SGK1: variants seen among roughly 807,000 people sequenced by gnomAD.
SGK1 encodes the protein serum/glucocorticoid regulated kinase 1.
SGK1 carries 26 observed loss-of-function variants against 64.2 expected under a neutral mutation model. The observed-to-expected ratio is 0.40, with a 90% CI of 0.30 to 0.56. SGK1 has a LOEUF of 0.56. SGK1 is among the 20% of genes least tolerant of loss of function. The pLI is 0.38. For missense variants in SGK1, 519 were observed against 645.6 expected, an observed-to-expected ratio of 0.80 and a Z score of 2.12; for synonymous variants, 265 against 239.7, an observed-to-expected ratio of 1.11 and a Z score of -0.98.
rs1280037696 is a variant in SGK1, at chr6:134,273,102, A to G, written c.70-10954T>C. Among the ~76,000 whole-genome samples, 2 of 148,052 alleles carry G rather than the reference A, an allele frequency of 1.4e-5. 1 individual carries two copies. Among genetic ancestry groups the G allele is most frequent in the East Asian group, 4.8e-4 (2 of 4,146 alleles). ...CCCTTGTAAAATGGAGATAATAATT[A>G]TGCCTACTTTACAAGGGTTTTGTGA... is the stretch of plus-strand genomic sequence containing the variant. On this transcript the variant is annotated intron_variant, in intron 1 of 13. Transcript: ENST00000367858.
At chr6:134,263,156 T>C (rs954315131) in intron 1 of SGK1, among the ~76,000 whole-genome samples, 2 of 152,236 alleles carry the variant, frequency 1.3e-5, no homozygotes, top group African/African-American at 4.8e-5. Context: ...ATTTCTAAGG[T>C]GAATTACTAG....
At chr6:134,239,453 A>G (rs532281009) in intron 2 of SGK1, among the ~76,000 whole-genome samples, 5 of 152,310 alleles carry the variant, frequency 3.3e-5, no homozygotes, top group Admixed American at 3.3e-4. Context: ...CCTCTGTCTA[A>G]CCTTTCAGCA....
At chr6:134,171,977 C>T (rs543912434) in intron 10 of SGK1, 2 of 677,514 alleles carry the variant, frequency 3.0e-6, no homozygotes, top group East Asian at 2.6e-5. Context: ...TTTTATGATG[C>T]AGATCTTACT....
intron 1 of SGK1, chr6:134,283,335 A>G (rs1296501084): frequency 6.6e-6 from 1 of 151,742 alleles, no homozygotes; most frequent in African/African-American, 2.4e-5. Flanking sequence ...TACTAAAAAT[A>G]CAAAAATTAG....
At chr6:134,293,022 CTG>C (rs1777290177) in intron 1 of SGK1, among the ~76,000 whole-genome samples, 2 of 152,230 alleles carry the variant, frequency 1.3e-5, no homozygotes, top group African/African-American at 4.8e-5. Flanking sequence ...TGTTTCCAGA[CTG>C]TGCTTTCAGA....
At chr6:134,223,132 G>T (rs554572859) in intron 2 of SGK1, among the ~76,000 whole-genome samples, 104 of 152,290 alleles carry the variant, frequency 6.8e-4, no homozygotes, top group Non-Finnish European at 1.2e-3. Context: ...ACTTTGGGAG[G>T]CTGAGGTGGG....
intron 1 of SGK1, chr6:134,297,821 C>T (rs1375274273): frequency 4.4e-6 from 3 of 680,018 alleles, no homozygotes; most frequent in African/African-American, 3.5e-5. Context: ...TCTTTGTATG[C>T]TGCAGGTCAT....
intron 3 of SGK1, among the ~76,000 whole-genome samples, chr6:134,196,181 C>T (rs996483882): frequency 1.3e-5 from 2 of 152,138 alleles, no homozygotes; most frequent in Admixed American, 6.5e-5. Context: ...CAGCCAGGCA[C>T]GTGACTGTAA....
At chr6:134,299,151 T>C (rs900464437) in intron 1 of SGK1, among the ~76,000 whole-genome samples, 5 of 148,364 alleles carry the variant, frequency 3.4e-5, no homozygotes, top group African/African-American at 1.2e-4. Context: ...CAATTCACAG[T>C]AGCTGGCAGC....
intron 1 of SGK1, among the ~76,000 whole-genome samples, chr6:134,270,759 A>G (rs990971975): frequency 6.8e-6 from 1 of 147,964 alleles, no homozygotes; most frequent in Non-Finnish European, 1.5e-5. Context: ...ACGGAGACGC[A>G]ATGCGTCCAT....
chr6:134,265,165 T>C (rs111564292), intron 1 of SGK1, among the ~76,000 whole-genome samples: 225 of 152,138 alleles, frequency 1.5e-3, no homozygotes, highest in African/African-American at 4.9e-3. Flanking sequence ...TAAAAACATA[T>C]GTACTAACTA....
rs1441711998 is a variant in SGK1, at chr6:134,187,993, CAGGTTGG to C, written c.362-13414_362-13408del. Among the ~76,000 whole-genome samples, 14 of 152,310 alleles carry C rather than the reference CAGGTTGG, an allele frequency of 9.2e-5. 1 individual carries two copies. Among genetic ancestry groups the C allele is most frequent in the African/African-American group, 3.4e-4 (14 of 41,548 alleles). ...TTGGGCACTCAGCAGTGGCTGTAGC[CAGGTTGG>C]CCTTAGTGAGTGGACGTCCATGTTG... On this transcript the variant is annotated intron_variant, in intron 3 of 13. Coordinates refer to ENST00000367858, the MANE Select transcript of SGK1 (RefSeq NM_001143676.3).
intron 3 of SGK1, among the ~76,000 whole-genome samples, chr6:134,201,670 C>T (rs1004534353): frequency 6.6e-6 from 1 of 152,108 alleles, no homozygotes; most frequent in Non-Finnish European, 1.5e-5. Flanking sequence ...CCTATTATTT[C>T]TTGTATTATT....
chr6:134,173,618 C>A (rs768273307), intron 5 of SGK1, 52 bp from the exon 6 acceptor site: 1 of 1,207,010 alleles, frequency 8.3e-7, no homozygotes, highest in Non-Finnish European at 1.2e-6. Flanking sequence ...CAAAGGAAGA[C>A]ATCTATAACA....
chr6:134,278,421 A>C (rs1351735452), intron 1 of SGK1, among the ~76,000 whole-genome samples: 2 of 152,218 alleles, frequency 1.3e-5, no homozygotes, highest in Non-Finnish European at 2.9e-5. Context: ...TGAAAGTGGT[A>C]AATGAAAGGT....
chr6:134,173,859 A>C, intron 5 of SGK1, 146 bp downstream of exon 5: 1 of 656,350 alleles, frequency 1.5e-6, no homozygotes, highest in South Asian at 2.0e-5. Context: ...TCAATACTTA[A>C]ATATTTATAT....
At chr6:134,294,424 G>A (rs1289131764) in intron 1 of SGK1, among the ~76,000 whole-genome samples, 2 of 152,010 alleles carry the variant, frequency 1.3e-5, no homozygotes, top group African/African-American at 4.8e-5. Flanking sequence ...TCCCTGGCAA[G>A]GACCATTCTA....
chr6:134,297,734 C>A, intron 1 of SGK1: 1 of 466,010 alleles, frequency 2.1e-6, no homozygotes, highest in Non-Finnish European at 4.0e-6. Flanking sequence ...AACTTCTGAC[C>A]TCGTGATCAG....
At chr6:134,299,980 C>T (rs1777423281) in intron 1 of SGK1, among the ~76,000 whole-genome samples, 1 of 152,040 alleles carries the variant, frequency 6.6e-6, no homozygotes, top group Non-Finnish European at 1.5e-5. Flanking sequence ...AAAAAACACA[C>T]AGCAGATAAC....
Sources: allele counts gnomAD v4.1 joint callset (sites outside exome capture counted in the v4.1 genomes callset), GRCh38; gene constraint gnomAD v4.1.1; transcripts MANE v1.5; gene names NCBI Gene and HGNC (gene_info 2026-07-23, HGNC 2026-07-21).